IQUB: variants seen among roughly 807,000 people sequenced by gnomAD.
The protein encoded by IQUB is IQ motif and ubiquitin domain containing.
In IQUB, 86 loss-of-function variants were observed where a neutral mutation model predicts 86.4. The observed-to-expected ratio is 1.00, with a 90% CI of 0.84 to 1.19. The LOEUF (loss-of-function observed/expected upper bound fraction) is 1.19, where lower values mean the gene tolerates loss of function less well. IQUB is among the 50% of genes most tolerant of loss of function. The pLI, the probability that IQUB is intolerant of heterozygous loss-of-function variation, is 0.00. For missense variants in IQUB, 946 were observed against 916.9 expected (o/e 1.03, Z -0.41); for synonymous variants, 289 against 304.5 (o/e 0.95, Z 0.53).
intron 10 of IQUB, among the ~76,000 whole-genome samples, chr7:123,464,613 A>G (rs1794161678): frequency 6.6e-6 from 1 of 151,924 alleles, no homozygotes. Flanking sequence ...GTTGGTGAAG[A>G]GATTAGGAAA....
rs767492105 is a variant in IQUB at position 123,502,744 on chromosome 7, A to G, written c.876T>C (p.Phe292=). Residue 292 remains phenylalanine (F), a synonymous_variant, in exon 6 of 13, where the codon TTT becomes TTC. Coordinates refer to ENST00000324698, the MANE Select transcript of IQUB (RefSeq NM_178827.5). The part of the protein sequence containing the change: ...SIFCRDTQTV[F]QKKNLQQTTN... ...TAGTTTGTTGGAGATTTTTTTTCTG[A>G]AAAACTGTCTAAAAGAAAACATTAA... 3.8e-6 allele frequency: 6 copies of G among 1,598,272 alleles called. No individual in the cohort carries two copies. The East Asian group carries it at 1.3e-4, about 36-fold the overall frequency.
chr7:123,494,545 G>A (rs184220377), intron 7 of IQUB, among the ~76,000 whole-genome samples: 8 of 152,068 alleles, frequency 5.3e-5, no homozygotes, highest in East Asian at 3.9e-4. Flanking sequence ...AGAAAAACCC[G>A]AAAGATGTCT....
chr7:123,518,199 C>G (rs766177579), intron 1 of IQUB, among the ~76,000 whole-genome samples: 2 of 151,864 alleles, frequency 1.3e-5, no homozygotes, highest in Non-Finnish European at 1.5e-5. Flanking sequence ...ACTGTCAATA[C>G]TGACCTGAAA....
chr7:123,501,721 GTCTACT>G (rs1471795585), intron 6 of IQUB: 15 of 152,108 alleles, frequency 9.9e-5, no homozygotes, highest in African/African-American at 3.6e-4. Flanking sequence ...CGTGACCTTG[GTCTACT>G]TCACAGTCCA....
intron 8 of IQUB, among the ~76,000 whole-genome samples, chr7:123,470,959 T>C (rs566042981): frequency 9.2e-5 from 14 of 152,246 alleles, no homozygotes; most frequent in South Asian, 6.2e-4. Flanking sequence ...CTAAATCACA[T>C]TGAGAACTGC....
At chr7:123,474,558 T>C (rs970823457) in intron 8 of IQUB, among the ~76,000 whole-genome samples, 3 of 152,120 alleles carry the variant, frequency 2.0e-5, no homozygotes, top group Admixed American at 2.0e-4. Flanking sequence ...TAGTATAGAA[T>C]CATATACAAA....
chr7:123,528,159 T>A (rs1490767911), intron 1 of IQUB, among the ~76,000 whole-genome samples: 2 of 152,166 alleles, frequency 1.3e-5, no homozygotes. Context: ...AGGCAATGCC[T>A]CGCCCTGCTT....
intron 1 of IQUB, among the ~76,000 whole-genome samples, chr7:123,530,698 TG>T (rs1392816069): frequency 3.1e-5 from 4 of 127,560 alleles, no homozygotes; most frequent in African/African-American, 1.3e-4. Context: ...TTTTTTGAGA[TG>T]GAGTTTCACT....
At chr7:123,479,166 CTT>C (rs1563441923) in intron 8 of IQUB, among the ~76,000 whole-genome samples, 1 of 152,102 alleles carries the variant, frequency 6.6e-6, no homozygotes, top group Non-Finnish European at 1.5e-5. Context: ...GCTGAATTGA[CTT>C]TAAATTGTTT....
rs778288856 is a variant in IQUB, at chr7:123,452,703, G to C, written c.*40C>G. 6.9e-7 allele frequency: 1 copy of C among 1,458,688 alleles called. No individual in the cohort carries two copies. The highest frequency in any genetic ancestry group is 1.4e-5 in the African/African-American group (1 of 71,322). The allele number at this position is 1,458,688 out of a possible 1,614,324, so 90.4% of individuals were successfully genotyped here. A position where few individuals can be genotyped will look rare whatever the true frequency, so the allele number is the denominator to read the frequency against. On this transcript the variant is annotated 3_prime_UTR_variant, in exon 13 of 13. Coordinates refer to ENST00000324698, the MANE Select transcript of IQUB (RefSeq NM_178827.5). ...ACCTCTGTATTACCCTATTAGCAGT[G>C]AACAAAATGCCGATCATCAAACAAA...
In IQUB at chr7:123,454,532, G is replaced by A. The variant is rs1224221617; in HGVS notation, c.2194-1607C>T. On this transcript the variant is annotated intron_variant, in intron 12 of 12. Transcript: ENST00000324698. ...ATTATTATATACCTAAGAAATAGTA[G>A]TTATCATTGCAACATGGAGATAGGG... Among the ~76,000 whole-genome samples the A allele has an allele frequency of 6.6e-5, 10 of 152,158 alleles. No individual in the cohort carries two copies. In the East Asian group the frequency reaches 1.9e-3, roughly 29 times the overall value.
intron 12 of IQUB, 123 bp downstream of exon 12, chr7:123,457,258 A>C: frequency 7.0e-7 from 1 of 1,437,692 alleles, no homozygotes; most frequent in Non-Finnish European, 9.1e-7. Flanking sequence ...TTGTTAATCC[A>C]TAAGTTCTGT....
intron 8 of IQUB, 59 bp downstream of exon 8, chr7:123,479,736 T>C: frequency 1.6e-6 from 2 of 1,248,376 alleles, no homozygotes; most frequent in East Asian, 2.4e-5. Context: ...TCTGGTACAT[T>C]ATTCTACATT....
chr7:123,512,864 G>A (rs1338672706), intron 1 of IQUB, among the ~76,000 whole-genome samples: 1 of 152,134 alleles, frequency 6.6e-6, no homozygotes, highest in Non-Finnish European at 1.5e-5. Flanking sequence ...TATGGATTGA[G>A]CTTGGAGCTG....
rs1476606337 is a variant in IQUB, at chr7:123,469,310, G to T, written c.1485C>A (p.Ala495=). The change falls in exon 9 of 13, where the codon GCC becomes GCA. Residue 495 remains alanine (A), a synonymous_variant. Transcript: ENST00000324698. ...ACTTATAGATATTTTGCAGCTCTCTGGCTCTGATGGTGAACTGCGTATCCA... is the reference window on the plus strand; with the variant it reads ...ACTTATAGATATTTTGCAGCTCTCTTGCTCTGATGGTGAACTGCGTATCCA... ...IEMDTQFTIR[A]RELQNIYKCI... The T allele has an allele frequency of 6.2e-7, 1 of 1,609,760 alleles. No individual in the cohort carries two copies. Among genetic ancestry groups the T allele is most frequent in the African/African-American group, 1.3e-5 (1 of 74,840 alleles).
intron 1 of IQUB, among the ~76,000 whole-genome samples, chr7:123,521,431 C>T (rs1031799357): frequency 5.9e-5 from 9 of 151,994 alleles, no homozygotes; most frequent in African/African-American, 2.2e-4. Flanking sequence ...TCTCTCGAGC[C>T]TAGGAATTCA....
chr7:123,491,983 T>G (rs1795493316), intron 7 of IQUB, among the ~76,000 whole-genome samples: 1 of 152,088 alleles, frequency 6.6e-6, no homozygotes, highest in Admixed American at 6.5e-5. Flanking sequence ...GGGGATGTGA[T>G]TAGGTAATGA....
At chr7:123,482,071 A>T (rs1795032195) in intron 7 of IQUB, among the ~76,000 whole-genome samples, 1 of 152,004 alleles carries the variant, frequency 6.6e-6, no homozygotes, top group Non-Finnish European at 1.5e-5. Flanking sequence ...AAAACATAAA[A>T]CTGGGGGGGA....
intron 1 of IQUB, among the ~76,000 whole-genome samples, chr7:123,523,019 C>T (rs1029667204): frequency 5.3e-5 from 8 of 150,482 alleles, no homozygotes; most frequent in African/African-American, 2.0e-4. Flanking sequence ...CATGTCCCTA[C>T]AAAGGACATG....
Sources: allele counts gnomAD v4.1 joint callset (sites outside exome capture counted in the v4.1 genomes callset), GRCh38; gene constraint gnomAD v4.1.1; transcripts MANE v1.5; gene names NCBI Gene and HGNC (gene_info 2026-07-23, HGNC 2026-07-21).